The following TMEM132C variants were observed in gnomAD, a reference collection of about 807,000 sequenced individuals.
TMEM132C encodes the protein protein phosphatase 1, regulatory subunit 152.
In TMEM132C, 29 loss-of-function variants were observed where a neutral mutation model predicts 61.4. That is an observed-to-expected ratio of 0.47 (90% CI 0.35 to 0.64). TMEM132C has a LOEUF of 0.64. Among genes scored for constraint, TMEM132C ranks in the 30% least tolerant of loss-of-function variants. The pLI is 0.00. For missense variants in TMEM132C, 1,408 were observed against 1,476.9 expected, an observed-to-expected ratio of 0.95 and a Z score of 0.76; for synonymous variants, 656 against 633.1, an observed-to-expected ratio of 1.04 and a Z score of -0.54.
chr12:128,488,587 G>A (rs1320663367), intron 2 of TMEM132C, among the ~76,000 whole-genome samples: 2 of 151,940 alleles, frequency 1.3e-5, no homozygotes, highest in Non-Finnish European at 2.9e-5. Flanking sequence ...CTTGAACCTG[G>A]GAGGCAGAGG....
intron 3 of TMEM132C, among the ~76,000 whole-genome samples, chr12:128,551,670 G>C (rs1482320264): frequency 6.6e-6 from 1 of 152,198 alleles, no homozygotes; most frequent in African/African-American, 2.4e-5. Flanking sequence ...AGCACATAGA[G>C]AGCGTGCTGA....
At chr12:128,459,195 A>G (rs948441411) in intron 2 of TMEM132C, among the ~76,000 whole-genome samples, 1 of 152,214 alleles carries the variant, frequency 6.6e-6, no homozygotes, top group African/African-American at 2.4e-5. Context: ...GCATACCTCT[A>G]ATTTCCATAT....
At position 128,639,788 on chromosome 12, in the gene TMEM132C, CA is replaced by C. The variant is rs540469387; in HGVS notation, c.1305+23455del. Reference sequence around the variant, plus strand: ...TTAAAACTGGGACATCTGGGAAAAACAAGATGAATTTGTCATCCTTCCTCCC... The same window carrying C: ...TTAAAACTGGGACATCTGGGAAAAACAGATGAATTTGTCATCCTTCCTCCC... On this transcript the variant is annotated intron_variant, in intron 4 of 8. Transcript: ENST00000435159. Among the ~76,000 whole-genome samples, 263 of 152,278 alleles carry C rather than the reference CA, an allele frequency of 1.7e-3. 2 individuals are homozygous for C. The highest frequency in any genetic ancestry group is 5.9e-3 in the African/African-American group (247 of 41,568).
At chr12:128,554,202 C>A (rs566043543) in intron 3 of TMEM132C, among the ~76,000 whole-genome samples, 3 of 152,310 alleles carry the variant, frequency 2.0e-5, no homozygotes, top group Admixed American at 2.0e-4. Flanking sequence ...TCAGAGGCAT[C>A]CATGTGAAAT....
At chr12:128,351,023 T>C (rs2135962620) in intron 1 of TMEM132C, among the ~76,000 whole-genome samples, 1 of 152,206 alleles carries the variant, frequency 6.6e-6, no homozygotes, top group East Asian at 1.9e-4. Flanking sequence ...CCTGAGTCTC[T>C]TACTCCATAA....
chr12:128,303,862 T>C (rs1871674902), intron 1 of TMEM132C, among the ~76,000 whole-genome samples: 1 of 152,182 alleles, frequency 6.6e-6, no homozygotes, highest in Non-Finnish European at 1.5e-5. Flanking sequence ...TGCACACTTC[T>C]GTCTTTCTCT....
At chr12:128,587,152 A>G (rs1029472796) in intron 3 of TMEM132C, among the ~76,000 whole-genome samples, 15 of 152,240 alleles carry the variant, frequency 9.9e-5, no homozygotes, top group Non-Finnish European at 1.9e-4. Context: ...CACTGGCCAA[A>G]TAGGCCTTAT....
At chr12:128,482,157 G>T (rs1282441895) in intron 2 of TMEM132C, among the ~76,000 whole-genome samples, 1 of 152,114 alleles carries the variant, frequency 6.6e-6, no homozygotes, top group African/African-American at 2.4e-5. Context: ...ATAATCATGT[G>T]GTTTTTGTCG....
intron 2 of TMEM132C, among the ~76,000 whole-genome samples, chr12:128,470,254 C>A (rs1281234118): frequency 6.6e-6 from 1 of 152,156 alleles, no homozygotes; most frequent in Non-Finnish European, 1.5e-5. Context: ...GACTTACCAT[C>A]CTGTCTTGCT....
At chr12:128,359,348 C>A (rs1364350667) in intron 1 of TMEM132C, among the ~76,000 whole-genome samples, 1 of 152,134 alleles carries the variant, frequency 6.6e-6, no homozygotes, top group Non-Finnish European at 1.5e-5. Flanking sequence ...GGGAACTCTC[C>A]TTTATAAAAC....
intron 2 of TMEM132C, among the ~76,000 whole-genome samples, chr12:128,433,310 C>T (rs904001500): frequency 2.6e-5 from 4 of 152,126 alleles, no homozygotes; most frequent in Non-Finnish European, 5.9e-5. Flanking sequence ...TCCAGTGGAA[C>T]AGAACAAAAA....
chr12:128,437,893 C>A (rs1869655267), intron 2 of TMEM132C: 1 of 152,158 alleles, frequency 6.6e-6, no homozygotes. Flanking sequence ...ACTCTGATCT[C>A]TTTGTGCTTT....
chr12:128,404,205 T>A (rs1713591), intron 1 of TMEM132C, among the ~76,000 whole-genome samples: 106,393 of 152,090 alleles, frequency 0.7, 38,442 homozygotes, highest in East Asian at 0.92. Context: ...TCAGGGGATG[T>A]TATTTTTATT....
At chr12:128,665,828 C>A (rs1169529080) in intron 4 of TMEM132C, among the ~76,000 whole-genome samples, 1 of 112,274 alleles carries the variant, frequency 8.9e-6, no homozygotes, top group African/African-American at 4.6e-5. Context: ...CATTCACAGG[C>A]ACTCACACAA....
chr12:128,673,256 TAAG>T (rs1275239983), intron 5 of TMEM132C, among the ~76,000 whole-genome samples: 1 of 152,188 alleles, frequency 6.6e-6, no homozygotes, highest in Non-Finnish European at 1.5e-5. Context: ...AGTACTCTTA[TAAG>T]AAGAGGAAAA....
chr12:128,580,277 C>T (rs552909886), intron 3 of TMEM132C, among the ~76,000 whole-genome samples: 184 of 152,092 alleles, frequency 1.2e-3, no homozygotes, highest in African/African-American at 4.1e-3. Flanking sequence ...AAAAATTAGC[C>T]GGACGTGGTG....
intron 1 of TMEM132C, among the ~76,000 whole-genome samples, chr12:128,411,580 A>G (rs1868552336): frequency 6.6e-6 from 1 of 152,138 alleles, no homozygotes; most frequent in Admixed American, 6.5e-5. Context: ...TTCTGACACA[A>G]TAAGATAGGT....
At chr12:128,289,894 T>A (rs1003482805) in intron 1 of TMEM132C, among the ~76,000 whole-genome samples, 4 of 152,240 alleles carry the variant, frequency 2.6e-5, no homozygotes, top group Admixed American at 1.3e-4. Flanking sequence ...GTCCTATGTT[T>A]CACCTCAAAT....
intron 4 of TMEM132C, among the ~76,000 whole-genome samples, chr12:128,635,034 G>A (rs1371158332): frequency 6.6e-6 from 1 of 152,196 alleles, no homozygotes; most frequent in Non-Finnish European, 1.5e-5. Context: ...GCTGGTGTGT[G>A]TGCACATATC....
Sources: allele counts gnomAD v4.1 joint callset (sites outside exome capture counted in the v4.1 genomes callset), GRCh38; gene constraint gnomAD v4.1.1; transcripts MANE v1.5; gene names NCBI Gene and HGNC (gene_info 2026-07-23, HGNC 2026-07-21).